The following ZNF85 variants were observed in gnomAD, a reference collection of about 807,000 sequenced individuals.
The protein encoded by ZNF85 is zinc finger protein 85 (HPF4, HTF1).
A neutral mutation model predicts 53.9 loss-of-function variants in ZNF85; 50 were observed. The ratio of observed to expected loss-of-function variants is 0.93; its 90% CI spans 0.74 to 1.17. ZNF85 has a LOEUF of 1.17. Ranked by LOEUF, ZNF85 falls within the 50% of genes most tolerant of loss-of-function variation. The pLI is 0.00. For missense variants in ZNF85, 747 were observed against 688.5 expected (o/e 1.08, Z -0.95); for synonymous variants, 225 against 226.1 (o/e 1.00, Z 0.04).
chr19:20,944,151 A>G (rs924057575), intron 3 of ZNF85: 1 of 156,966 alleles, frequency 6.4e-6, no homozygotes, highest in Non-Finnish European at 1.4e-5. Flanking sequence ...GATATATTTA[A>G]TAGTTTTTTA....
chr19:20,935,200 C>T (rs747681705), intron 3 of ZNF85, among the ~76,000 whole-genome samples, 153 bp downstream of exon 3: 8 of 152,138 alleles, frequency 5.3e-5, no homozygotes, highest in Non-Finnish European at 1.2e-4. Flanking sequence ...TTTTTGCTCT[C>T]ACATGGGGGC....
chr19:20,928,924 T>C (rs1024518861), intron 1 of ZNF85, among the ~76,000 whole-genome samples: 7 of 152,160 alleles, frequency 4.6e-5, no homozygotes, highest in Non-Finnish European at 8.8e-5. Context: ...TGCAGGTTTC[T>C]TATATAGGTA....
At chr19:20,945,718 C>T (rs1973403499) in intron 3 of ZNF85, 1 of 152,246 alleles carries the variant, frequency 6.6e-6, no homozygotes, top group Non-Finnish European at 1.5e-5. Context: ...CTCCTGACCT[C>T]ATGTGATCCA....
chr19:20,949,277 G>C lies in ZNF85; in HGVS notation c.763G>C (p.Glu255Gln), dbSNP rs1197866694. The change falls in exon 4 of 4, where the codon GAG becomes CAG. Residue 255 changes from glutamate to glutamine, a missense_variant. By Grantham distance (29) the Glu-to-Gln change is conservative. Transcript: ENST00000328178. ...TAAACATAAGAAAATTCATACTGGA[G>C]AGAAACCCTACAAATGTGAAGAATG... ...LIKHKKIHTGEKPYKCEECGK... is the reference protein window; with the variant it reads ...LIKHKKIHTGQKPYKCEECGK... 1 of 1,612,724 alleles carries C rather than the reference G, an allele frequency of 6.2e-7. No individual in the cohort carries two copies. The highest frequency in any genetic ancestry group is 8.5e-7 in the Non-Finnish European group (1 of 1,179,538).
chr19:20,938,951 G>A (rs961539329), intron 3 of ZNF85, among the ~76,000 whole-genome samples: 1 of 151,670 alleles, frequency 6.6e-6, no homozygotes, highest in Non-Finnish European at 1.5e-5. Flanking sequence ...TTGGATTGCA[G>A]CACTTTCATT....
At position 20,925,240 on chromosome 19, in the gene ZNF85, C is replaced by T. The variant is rs1039092205; in HGVS notation, c.3+1837C>T. 1.1e-4 allele frequency among the ~76,000 whole-genome samples: 16 copies of T among 152,140 alleles called. No homozygotes were observed. In the East Asian group the frequency reaches 1.2e-3, roughly 11 times the overall value. ...TTGTGAGGCCGAGGCGGGCGGATCGCGAGGTCAGGAATTTGAGACCAGCAT... is the reference window on the plus strand; with the variant it reads ...TTGTGAGGCCGAGGCGGGCGGATCGTGAGGTCAGGAATTTGAGACCAGCAT... On this transcript the variant is annotated intron_variant, in intron 1 of 3. Transcript: ENST00000328178.
chr19:20,934,117 A>G lies in ZNF85; in HGVS notation c.97A>G (p.Met33Val). The G allele has an allele frequency of 1.9e-6, 3 of 1,612,402 alleles. No homozygotes were observed. The highest frequency in any genetic ancestry group is 2.5e-6 in the Non-Finnish European group (3 of 1,179,060). The change falls in exon 2 of 4, where the codon ATG (methionine) becomes GTG (valine). Residue 33 changes from methionine (M) to valine (V), a missense_variant. Met to Val is a conservative substitution (Grantham distance 21, BLOSUM62 1). Transcript: ENST00000328178. Reference sequence around the variant, plus strand: ...ACAGCGGAATTTATATAGAAATGTGATGTTAGAGAACTACAGAAACCTGGT... The same window carrying G: ...ACAGCGGAATTTATATAGAAATGTGGTGTTAGAGAACTACAGAAACCTGGT... ...TAQRNLYRNV[M>V]LENYRNLVFL... is the part of the protein sequence containing the mutation.
At chr19:20,944,015 T>C (rs546617409) in intron 3 of ZNF85, 100 of 321,510 alleles carry the variant, frequency 3.1e-4, no homozygotes, top group African/African-American at 2.2e-3. Flanking sequence ...CAGTTTGTTA[T>C]TGGTATTAAA....
intron 3 of ZNF85, 51 bp downstream of exon 3, chr19:20,935,098 G>A (rs747682098): frequency 7.9e-6 from 10 of 1,273,340 alleles, no homozygotes; most frequent in African/African-American, 1.5e-5. Context: ...GAGGTCCAAA[G>A]GCCAAAGAGA....
intron 3 of ZNF85, among the ~76,000 whole-genome samples, chr19:20,947,444 T>C (rs1973447830): frequency 6.6e-6 from 1 of 150,950 alleles, no homozygotes; most frequent in Non-Finnish European, 1.5e-5. Flanking sequence ...CATTATGTTA[T>C]TTTTAGCATC....
At chr19:20,948,434 A>C (rs1448689664) in intron 3 of ZNF85, among the ~76,000 whole-genome samples, 1 of 151,720 alleles carries the variant, frequency 6.6e-6, no homozygotes, top group Admixed American at 6.6e-5. Flanking sequence ...TTCTAAAGCC[A>C]CTGTGTTACA....
rs11669707 is a variant in ZNF85 at position 20,939,888 on chromosome 19, G to T, written c.229+4841G>T. On this transcript the variant is annotated intron_variant, in intron 3 of 3. Coordinates refer to ENST00000328178, the MANE Select transcript of ZNF85 (RefSeq NM_003429.5). ...AATTTTGTATTTTTAGTAGAGACGG[G>T]GTTTCTCCATGTTGGTAAGGCTTGT... 1.5e-3 allele frequency among the ~76,000 whole-genome samples: 227 copies of T among 151,714 alleles called. 1 individual carries two copies. Among genetic ancestry groups the T allele is most frequent in the Non-Finnish European group, 2.8e-3 (189 of 67,920 alleles).
chr19:20,926,666 C>G (rs1017028331), intron 1 of ZNF85: 2 of 152,156 alleles, frequency 1.3e-5, no homozygotes, highest in African/African-American at 4.8e-5. Context: ...TCACCCCAGC[C>G]ATGGAAGAAG....
intron 3 of ZNF85, among the ~76,000 whole-genome samples, chr19:20,940,238 T>A (rs1248278150): frequency 1.3e-5 from 2 of 152,134 alleles, no homozygotes; most frequent in Non-Finnish European, 1.5e-5. Context: ...TATTGAAGTG[T>A]ACATTTTAGG....
chr19:20,934,799 A>AG (rs1973117365), intron 2 of ZNF85, 150 bp from the exon 3 acceptor site: 2 of 441,676 alleles, frequency 4.5e-6, no homozygotes, highest in Non-Finnish European at 7.7e-6. Context: ...AAAAAAAAAA[A>AG]GAACCTACAA....
In ZNF85 at chr19:20,940,104, A is replaced by G. The variant is rs536403462; in HGVS notation, c.229+5057A>G. Reference sequence around the variant, plus strand: ...AATGAATATCTATTTCCTTTATGTGAAAAAAAAAAAAACACTTTGTGATAT... The same window carrying G: ...AATGAATATCTATTTCCTTTATGTGGAAAAAAAAAAAACACTTTGTGATAT... On this transcript the variant is annotated intron_variant, in intron 3 of 3. Transcript: ENST00000328178. Among the ~76,000 whole-genome samples, 5 of 95,780 alleles carry G rather than the reference A, an allele frequency of 5.2e-5. No individual in the cohort carries two copies. The East Asian group carries it at 8.2e-4, about 16-fold the overall frequency. The allele number at this position is 95,780 out of a possible 152,430, so 62.8% of individuals were successfully genotyped here. A position where few individuals can be genotyped will look rare whatever the true frequency, so the allele number is the denominator to read the frequency against.
At chr19:20,931,591 G>A (rs375414487) in intron 1 of ZNF85, among the ~76,000 whole-genome samples, 93 of 150,896 alleles carry the variant, frequency 6.2e-4, no homozygotes, top group African/African-American at 2.1e-3. Flanking sequence ...AGAGCAATGT[G>A]GCCATATTTT....
chr19:20,947,130 A>G (rs1287974492), intron 3 of ZNF85, among the ~76,000 whole-genome samples: 1 of 151,838 alleles, frequency 6.6e-6, no homozygotes, highest in Non-Finnish European at 1.5e-5. Flanking sequence ...GTTTACATAA[A>G]ATCTCTAAAA....
intron 3 of ZNF85, chr19:20,937,311 TG>T: frequency 2.2e-6 from 1 of 456,128 alleles, no homozygotes; most frequent in African/African-American, 2.0e-5. Flanking sequence ...ATTATAGACA[TG>T]AGCCTCAGCG....
Sources: gnomAD v4.1 joint callset for allele counts (sites outside exome capture counted in the v4.1 genomes callset) on GRCh38, gnomAD v4.1.1 for gene constraint, MANE v1.5 for transcripts, NCBI Gene and HGNC (gene_info 2026-07-23, HGNC 2026-07-21) for gene names.